RAB21: variants seen among roughly 807,000 people sequenced by gnomAD.
RAB21 encodes RAB21, member RAS oncogene family, also known as ras-related protein Rab-21.
In RAB21, 13 loss-of-function variants were observed where a neutral mutation model predicts 33.1. The observed-to-expected ratio is 0.39, with a 90% CI of 0.26 to 0.62. The LOEUF is 0.62. RAB21 is among the 20% of genes least tolerant of loss of function. The pLI is 0.48. For synonymous variants in RAB21, 91 were observed against 103.7 expected, an observed-to-expected ratio of 0.88 and a Z score of 0.74; for missense variants, 234 against 279.1, an observed-to-expected ratio of 0.84 and a Z score of 1.15.
intron 3 of RAB21, among the ~76,000 whole-genome samples, chr12:71,771,595 G>A (rs1302091733): frequency 6.6e-6 from 1 of 152,160 alleles, no homozygotes; most frequent in Non-Finnish European, 1.5e-5. Flanking sequence ...TAGATTTAAT[G>A]ATTTTTAAAA....
chr12:71,769,928 G>T, intron 2 of RAB21, 69 bp downstream of exon 2: 1 of 792,814 alleles, frequency 1.3e-6, no homozygotes. Flanking sequence ...AAAGTTAATT[G>T]GAGCTTAGCC....
Position 71,790,741 on chromosome 12 carries a change from C to T in RAB21, c.*5068C>T, listed in dbSNP as rs1883368869. 6.6e-6 allele frequency: 1 copy of T among 152,034 alleles called. No individual in the cohort carries two copies. The highest frequency in any genetic ancestry group is 1.5e-5 in the Non-Finnish European group (1 of 67,988). 9.4% of individuals were successfully genotyped at this position (152,034 alleles called of 1,614,324 possible). A position where few individuals can be genotyped will look rare whatever the true frequency, so the allele number is the denominator to read the frequency against. ...TAGTGTTGTGGGTTTTAAATTTTCA[C>T]ATAAATTGTGTCTTACCCATGTGTT... On this transcript the variant is annotated 3_prime_UTR_variant, in exon 7 of 7. Transcript: ENST00000261263.
intron 4 of RAB21, among the ~76,000 whole-genome samples, chr12:71,779,034 A>T (rs328755): frequency 0.033 from 4,966 of 152,274 alleles, 269 homozygotes; most frequent in African/African-American, 0.11. Context: ...AATATTAATA[A>T]CTGTTCCTTA....
rs73140633 is a variant in RAB21, at chr12:71,773,789, C to T, written c.328-170C>T. Among the ~76,000 whole-genome samples, 285 of 152,136 alleles carry T rather than the reference C, an allele frequency of 1.9e-3. 1 individual carries two copies. The highest frequency in any genetic ancestry group is 3.4e-3 in the Middle Eastern group (1 of 294). ...TGTATGTTTATATGTATATAGTTTG[C>T]AATATAACCTGGCAATAAATGATTC... is the stretch of plus-strand genomic sequence containing the variant. On this transcript the variant is annotated intron_variant, in intron 3 of 6. Transcript: ENST00000261263.
rs1477231008 is a variant in RAB21, at chr12:71,794,423, ATATATTTTTTTTTTTTTT to A, written c.*8752_*8769del. 4.9e-3 allele frequency: 275 copies of A among 56,590 alleles called. 6 individuals carry two copies. The highest frequency in any genetic ancestry group is 0.022 in the African/African-American group (240 of 10,698). 3.5% of individuals were successfully genotyped at this position (56,590 alleles called of 1,614,324 possible). A position where few individuals can be genotyped will look rare whatever the true frequency, so the allele number is the denominator to read the frequency against. ...ATATATATTATATATATATATATATATATATTTTTTTTTTTTTTTTTTTTTTTTTTTTTGAGACGGAGT... is the reference window on the plus strand; with the variant it reads ...ATATATATTATATATATATATATATATTTTTTTTTTTTTTTGAGACGGAGT... On this transcript the variant is annotated 3_prime_UTR_variant, in exon 7 of 7. Transcript: ENST00000261263.
Position 71,792,444 on chromosome 12 carries a change from C to T in RAB21, c.*6771C>T, listed in dbSNP as rs1167207674. 6.6e-6 allele frequency: 1 copy of T among 152,170 alleles called. No homozygotes were observed. Among genetic ancestry groups the T allele is most frequent in the Non-Finnish European group, 1.5e-5 (1 of 68,042 alleles). The allele number at this position is 152,170 out of a possible 1,614,324, so 9.4% of individuals were successfully genotyped here. A position where few individuals can be genotyped will look rare whatever the true frequency, so the allele number is the denominator to read the frequency against. On this transcript the variant is annotated 3_prime_UTR_variant, in exon 7 of 7. Transcript: ENST00000261263. ...GTATTTTCCTACTTGGAGAGCATTA[C>T]AGTGTCCAACAATTTATAGGAGCTT...
rs1397502949 is a variant in RAB21 at position 71,799,624 on chromosome 12, C to T, written c.*13951C>T. The stretch of plus-strand genomic sequence containing the variant: ...ATGCATATAATAAAATTTTAGGTAG[C>T]TATAAAAAAGAGAATGAGAAAGCTT... On this transcript the variant is annotated 3_prime_UTR_variant, in exon 7 of 7. Transcript: ENST00000261263. 1 of 151,646 alleles carries T rather than the reference C, an allele frequency of 6.6e-6. No homozygotes were observed. The highest frequency in any genetic ancestry group is 1.5e-5 in the Non-Finnish European group (1 of 67,960). The allele number at this position is 151,646 out of a possible 1,614,324, so 9.4% of individuals were successfully genotyped here.
intron 1 of RAB21, among the ~76,000 whole-genome samples, chr12:71,764,483 GT>G (rs952161886): frequency 6.6e-6 from 1 of 152,026 alleles, no homozygotes; most frequent in African/African-American, 2.4e-5. Context: ...TATTTCAATA[GT>G]TTTTGGGGTA....
intron 4 of RAB21, among the ~76,000 whole-genome samples, chr12:71,777,234 G>T (rs552087758): frequency 6.6e-6 from 1 of 151,810 alleles, no homozygotes; most frequent in Non-Finnish European, 1.5e-5. Context: ...CCCCACCCCC[G>T]TCACTATCCT....
In RAB21 at chr12:71,797,036, C is replaced by T. The variant is rs1003471809; in HGVS notation, c.*11363C>T. 1.8e-4 allele frequency: 27 copies of T among 152,120 alleles called. No homozygotes were observed. Among genetic ancestry groups the T allele is most frequent in the African/African-American group, 5.8e-4 (24 of 41,422 alleles). 9.4% of individuals were successfully genotyped at this position (152,120 alleles called of 1,614,324 possible). On this transcript the variant is annotated 3_prime_UTR_variant, in exon 7 of 7. Coordinates refer to ENST00000261263, the MANE Select transcript of RAB21 (RefSeq NM_014999.4). Reference sequence around the variant, plus strand: ...CAGATTCAGAATTTAATAGACACTTCGTGTTTCCATTTTCATAATGGGGGT... The same window carrying T: ...CAGATTCAGAATTTAATAGACACTTTGTGTTTCCATTTTCATAATGGGGGT...
intron 4 of RAB21, among the ~76,000 whole-genome samples, chr12:71,775,428 G>A (rs969373873): frequency 6.6e-5 from 10 of 152,188 alleles, no homozygotes; most frequent in African/African-American, 2.4e-4. Flanking sequence ...AATATTAAAA[G>A]CAATATGGGA....
intron 6 of RAB21, 61 bp from the exon 7 acceptor site, chr12:71,785,470 T>C (rs1196898185): frequency 7.6e-6 from 12 of 1,571,696 alleles, no homozygotes; most frequent in Non-Finnish European, 8.7e-6. Flanking sequence ...ATACTGAAAT[T>C]TTAGAAAGAG....
At chr12:71,782,414 G>T in intron 5 of RAB21, 156 bp from the exon 6 acceptor site, 1 of 528,734 alleles carries the variant, frequency 1.9e-6, no homozygotes, top group South Asian at 3.8e-5. Context: ...TTTAAAATTT[G>T]ATTTAATGTA....
In RAB21 at chr12:71,789,018, G is replaced by A. The variant is rs1224162312; in HGVS notation, c.*3345G>A. 6.6e-6 allele frequency: 1 copy of A among 151,262 alleles called. No homozygotes were observed. The highest frequency in any genetic ancestry group is 2.4e-5 in the African/African-American group (1 of 41,108). 9.4% of individuals were successfully genotyped at this position (151,262 alleles called of 1,614,324 possible). A position where few individuals can be genotyped will look rare whatever the true frequency, so the allele number is the denominator to read the frequency against. On this transcript the variant is annotated 3_prime_UTR_variant, in exon 7 of 7. Transcript: ENST00000261263. ...GAAATCTTTTTTTTTTTTAATAGTA[G>A]CCATATGTTATTAGTGGAGTACTTT...
intron 3 of RAB21, among the ~76,000 whole-genome samples, chr12:71,772,364 T>A (rs958760901): frequency 6.6e-6 from 1 of 152,212 alleles, no homozygotes. Context: ...AAGTCTGAGA[T>A]TGGCACAGCA....
rs1308917192 is a variant in RAB21 at position 71,782,158 on chromosome 12, C to T, written c.446+73C>T. Reference sequence around the variant, plus strand: ...TTCCTCTTTATACGTTTTGCTTTACCATTTAGGTATTACTCAAATCTCTTA... The same window carrying T: ...TTCCTCTTTATACGTTTTGCTTTACTATTTAGGTATTACTCAAATCTCTTA... On this transcript the variant is annotated intron_variant, in intron 5 of 6. Transcript: ENST00000261263. 28 of 1,360,172 alleles carry T rather than the reference C, an allele frequency of 2.1e-5. No individual in the cohort carries two copies. The Middle Eastern group carries it at 5.5e-4, about 27-fold the overall frequency. 84.3% of individuals were successfully genotyped at this position (1,360,172 alleles called of 1,614,324 possible).
Position 71,769,788 on chromosome 12 carries a change from T to C in RAB21, c.160-12T>C, listed in dbSNP as rs754439561. On this transcript the variant is annotated splice_polypyrimidine_tract_variant and intron_variant, in intron 1 of 6. Coordinates refer to ENST00000261263, the MANE Select transcript of RAB21 (RefSeq NM_014999.4). ...ATAAGAAACATTGTTTAATGTTTAT[T>C]TCTCTTTTTAGGCATCATTCTTAAC... 4 of 1,302,024 alleles carry C rather than the reference T, an allele frequency of 3.1e-6. No individual in the cohort carries two copies. The South Asian group carries it at 5.3e-5, about 17-fold the overall frequency. 80.7% of individuals were successfully genotyped at this position (1,302,024 alleles called of 1,614,324 possible).
intron 3 of RAB21, among the ~76,000 whole-genome samples, chr12:71,772,566 A>C (rs1242854831): frequency 6.6e-6 from 1 of 152,112 alleles, no homozygotes; most frequent in Non-Finnish European, 1.5e-5. Context: ...GAAATGACTA[A>C]CAAGCTTTTT....
chr12:71,770,288 G>A (rs191232370), intron 2 of RAB21, among the ~76,000 whole-genome samples: 86 of 152,258 alleles, frequency 5.6e-4, no homozygotes, highest in Non-Finnish European at 1.0e-3. Context: ...TTATAATACT[G>A]TGTTGGTTGT....
Sources: allele counts gnomAD v4.1 joint callset (sites outside exome capture counted in the v4.1 genomes callset), GRCh38; gene constraint gnomAD v4.1.1; transcripts MANE v1.5; gene names NCBI Gene and HGNC (gene_info 2026-07-23, HGNC 2026-07-21).